Variants in EFCAB11 observed in about 807,000 individuals in gnomAD.
EFCAB11 encodes EF-hand calcium-binding domain-containing protein 11.
In EFCAB11, 14 loss-of-function variants were observed where a neutral mutation model predicts 23.0. That is an observed-to-expected ratio of 0.61 (90% CI 0.40 to 0.95). The LOEUF (loss-of-function observed/expected upper bound fraction) is 0.95. Among genes scored for constraint, EFCAB11 ranks in the 40% least tolerant of loss-of-function variants. The pLI is 0.00. For synonymous variants in EFCAB11, 65 were observed against 66.6 expected (o/e 0.98, Z 0.11); for missense variants, 198 against 195.8 (o/e 1.01, Z -0.07).
chr14:89,805,700 C>G (rs1426511120), intron 5 of EFCAB11, among the ~76,000 whole-genome samples: 1 of 152,144 alleles, frequency 6.6e-6, no homozygotes, highest in Non-Finnish European at 1.5e-5. Context: ...GAAGCCTCCC[C>G]TATGTCAAGA....
At chr14:89,885,347 C>A (rs7161265) in intron 5 of EFCAB11, among the ~76,000 whole-genome samples, 12,030 of 152,174 alleles carry the variant, frequency 0.079, 720 homozygotes, top group South Asian at 0.2. Context: ...CAGTTCTCCC[C>A]AAATTGATCT....
chr14:89,930,471 T>C (rs56105603), intron 5 of EFCAB11, among the ~76,000 whole-genome samples: 28,578 of 152,098 alleles, frequency 0.19, 3,091 homozygotes, highest in South Asian at 0.32. Flanking sequence ...CCCTTGCAGC[T>C]GTGCATGACC....
intron 5 of EFCAB11, among the ~76,000 whole-genome samples, chr14:89,896,160 C>A (rs998410478): frequency 6.6e-6 from 1 of 152,066 alleles, no homozygotes; most frequent in Non-Finnish European, 1.5e-5. Context: ...CCGAGGCGGG[C>A]GGACCACGAG....
intron 5 of EFCAB11, among the ~76,000 whole-genome samples, chr14:89,857,470 A>AT (rs940602788): frequency 1.2e-4 from 18 of 151,888 alleles, no homozygotes; most frequent in African/African-American, 4.1e-4. Context: ...CTTTGGGTTG[A>AT]TTTTTTTTAA....
At chr14:89,939,082 C>G (rs1890698056) in intron 3 of EFCAB11, among the ~76,000 whole-genome samples, 1 of 151,808 alleles carries the variant, frequency 6.6e-6, no homozygotes, top group African/African-American at 2.4e-5. Context: ...TACACATCTC[C>G]TGCTCATAAA....
intron 5 of EFCAB11, among the ~76,000 whole-genome samples, chr14:89,818,864 A>G (rs1886417669): frequency 6.6e-6 from 1 of 152,194 alleles, no homozygotes; most frequent in African/African-American, 2.4e-5. Flanking sequence ...TAAATTTACA[A>G]AGATCGAGTG....
chr14:89,801,097 A>G (rs1392639515), intron 5 of EFCAB11, among the ~76,000 whole-genome samples: 1 of 151,468 alleles, frequency 6.6e-6, no homozygotes, highest in Non-Finnish European at 1.5e-5. Context: ...TGAACAATTT[A>G]GGGCCATCTG....
intron 5 of EFCAB11, among the ~76,000 whole-genome samples, chr14:89,814,940 A>T (rs965614376): frequency 2.0e-5 from 3 of 152,178 alleles, no homozygotes; most frequent in African/African-American, 7.2e-5. Flanking sequence ...TACACTGCCA[A>T]CTCAAAGCTG....
chr14:89,891,530 T>C (rs573834316), intron 5 of EFCAB11, among the ~76,000 whole-genome samples: 1 of 152,284 alleles, frequency 6.6e-6, no homozygotes, highest in South Asian at 2.1e-4. Flanking sequence ...ATTAAAGTTA[T>C]AAAATTTCCA....
intron 5 of EFCAB11, among the ~76,000 whole-genome samples, chr14:89,853,151 G>C (rs1252159139): frequency 6.6e-6 from 1 of 152,070 alleles, no homozygotes; most frequent in Non-Finnish European, 1.5e-5. Context: ...GCACAAATAG[G>C]CTTGGGAACA....
intron 5 of EFCAB11, among the ~76,000 whole-genome samples, chr14:89,812,995 T>C (rs1886199152): frequency 6.6e-6 from 1 of 152,134 alleles, no homozygotes; most frequent in Non-Finnish European, 1.5e-5. Context: ...AACAAGTAAA[T>C]GTTTTCACTA....
At chr14:89,891,683 A>T (rs1447823165) in intron 5 of EFCAB11, among the ~76,000 whole-genome samples, 1 of 151,556 alleles carries the variant, frequency 6.6e-6, no homozygotes, top group Non-Finnish European at 1.5e-5. Flanking sequence ...CATTTTAGAC[A>T]CAAACACACA....
intron 5 of EFCAB11, among the ~76,000 whole-genome samples, chr14:89,835,248 G>C (rs935019482): frequency 6.6e-6 from 1 of 152,188 alleles, no homozygotes; most frequent in Non-Finnish European, 1.5e-5. Context: ...TTACACTGCT[G>C]ATACAGGCTG....
At chr14:89,803,138 A>G (rs1885842721) in intron 5 of EFCAB11, among the ~76,000 whole-genome samples, 1 of 152,230 alleles carries the variant, frequency 6.6e-6, no homozygotes, top group Non-Finnish European at 1.5e-5. Context: ...GGGGGACACA[A>G]TCACCCCAGT....
intron 5 of EFCAB11, among the ~76,000 whole-genome samples, chr14:89,864,251 A>G (rs1481769504): frequency 6.6e-6 from 1 of 152,216 alleles, no homozygotes; most frequent in Non-Finnish European, 1.5e-5. Flanking sequence ...GAGCCATACT[A>G]ACAAATTAGT....
intron 5 of EFCAB11, among the ~76,000 whole-genome samples, chr14:89,928,752 TTA>T (rs886093089): frequency 7.0e-6 from 1 of 143,080 alleles, no homozygotes; most frequent in Non-Finnish European, 1.5e-5. Flanking sequence ...ATTATATTAA[TTA>T]TATAATTATA....
chr14:89,919,928 C>T (rs996187957), intron 5 of EFCAB11, among the ~76,000 whole-genome samples: 5 of 152,156 alleles, frequency 3.3e-5, no homozygotes, highest in African/African-American at 4.8e-5. Context: ...AAACACAATG[C>T]TAAACTCACA....
At chr14:89,887,828 A>G (rs545746793) in intron 5 of EFCAB11, among the ~76,000 whole-genome samples, 2 of 152,236 alleles carry the variant, frequency 1.3e-5, no homozygotes, top group Non-Finnish European at 2.9e-5. Flanking sequence ...AAACATCTGT[A>G]TCATATTTCA....
intron 5 of EFCAB11, among the ~76,000 whole-genome samples, chr14:89,829,136 T>C (rs1041268591): frequency 2.6e-5 from 4 of 152,242 alleles, no homozygotes; most frequent in Admixed American, 2.6e-4. Flanking sequence ...TGAAAGATTA[T>C]ATTGTCAACA....
Sources: gnomAD v4.1 joint callset for allele counts (sites outside exome capture counted in the v4.1 genomes callset) on GRCh38, gnomAD v4.1.1 for gene constraint, MANE v1.5 for transcripts, NCBI Gene and HGNC (gene_info 2026-07-23, HGNC 2026-07-21) for gene names.